Variants in PER2 observed in about 807,000 individuals in gnomAD.
PER2 encodes period circadian protein homolog 2.
Under a neutral mutation model 121.0 loss-of-function variants are expected in PER2, and 66 were observed. The observed-to-expected ratio is 0.55, with a 90% CI of 0.45 to 0.67. The LOEUF is 0.67. PER2 is among the 30% of genes least tolerant of loss of function. The pLI is 0.00. For missense variants in PER2, 1,521 were observed against 1,635.0 expected (o/e 0.93, Z 1.20); for synonymous variants, 684 against 659.9 (o/e 1.04, Z -0.56).
chr2:238,267,872 G>A (rs1289367530), intron 8 of PER2, among the ~76,000 whole-genome samples, 184 bp downstream of exon 8: 1 of 152,192 alleles, frequency 6.6e-6, no homozygotes, highest in African/African-American at 2.4e-5. Flanking sequence ...GGGCAGGGCC[G>A]GATGACAAGC....
chr2:238,274,650 G>A (rs1696396539), intron 4 of PER2, among the ~76,000 whole-genome samples: 1 of 152,188 alleles, frequency 6.6e-6, no homozygotes, highest in Non-Finnish European at 1.5e-5. Flanking sequence ...TTTCCCTTTG[G>A]CTCCTCCTTC....
intron 3 of PER2, 29 bp downstream of exon 3, chr2:238,277,102 T>C: frequency 1.3e-6 from 2 of 1,505,900 alleles, no homozygotes; most frequent in Non-Finnish European, 1.8e-6. Flanking sequence ...CTCTAAAACC[T>C]CTATGTATGA....
chr2:238,248,467 T>C (rs1359400574), intron 22 of PER2, among the ~76,000 whole-genome samples: 2 of 151,686 alleles, frequency 1.3e-5, no homozygotes, highest in African/African-American at 2.4e-5. Flanking sequence ...TGAGGGTTTG[T>C]GACAGGAGAG....
At chr2:238,295,030 C>T (rs888482741), upstream of PER2, among the ~76,000 whole-genome samples, 2 of 152,248 alleles carry the variant, frequency 1.3e-5, no homozygotes, top group Admixed American at 6.5e-5. Flanking sequence ...GGTGAAGGCT[C>T]AGGCCTGTGC....
intron 20 of PER2, among the ~76,000 whole-genome samples, 153 bp downstream of exon 20, chr2:238,251,446 G>A (rs530407185): frequency 6.6e-6 from 1 of 152,376 alleles, no homozygotes; most frequent in South Asian, 2.1e-4. Flanking sequence ...AACAGGGAGA[G>A]TGTGTCTGTG....
chr2:238,251,773 G>C lies in PER2; in HGVS notation c.3112-12C>G. 1.3e-6 allele frequency: 2 copies of C among 1,525,588 alleles called. No homozygotes were observed. Among genetic ancestry groups the C allele is most frequent in the Non-Finnish European group, 1.8e-6 (2 of 1,123,904 alleles). 94.5% of individuals were successfully genotyped at this position (1,525,588 alleles called of 1,614,324 possible). ...GAGGGTTCATCACGCTTTAGGGACA[G>C]GAAGCAGATACTGCTGTTCAGGGGC... On this transcript the variant is annotated splice_polypyrimidine_tract_variant and intron_variant, in intron 19 of 22. Transcript: ENST00000254657.
Position 238,249,078 on chromosome 2 carries a change from G to T in PER2, c.3602C>A (p.Ala1201Glu). ...HQWMQTGGLPAAIDVAECVYC... is the reference protein window; with the variant it reads ...HQWMQTGGLPEAIDVAECVYC... ...TGAGCTTACTGCCACGTCGATGGCT[G>T]CGGGCAGGCCGCCCGTCTGCATCCA... is the stretch of plus-strand genomic sequence containing the variant. Residue 1201 changes from alanine to glutamate, a missense_variant, in exon 22 of 23, where the codon GCA becomes GAA. Coordinates refer to ENST00000254657, the MANE Select transcript of PER2 (RefSeq NM_022817.3). 3 of 1,614,170 alleles carry T rather than the reference G, an allele frequency of 1.9e-6. No individual in the cohort carries two copies. The South Asian group carries it at 3.3e-5, about 18-fold the overall frequency.
In PER2 at chr2:238,268,684, G is replaced by A. The variant is rs1384842278; in HGVS notation, c.824+239C>T. ...GACCCTGGGGTACAGGCCTTTGCAA[G>A]ACACAGAGAGAAAGTGCAGGTCCAT... On this transcript the variant is annotated intron_variant, in intron 7 of 22. Transcript: ENST00000254657. The surrounding 1 kb of genome is among the most constrained non-coding windows in gnomAD (Gnocchi z 4.0). Among the ~76,000 whole-genome samples, 1 of 152,222 alleles carries A rather than the reference G, an allele frequency of 6.6e-6. No homozygotes were observed. Among genetic ancestry groups the A allele is most frequent in the African/African-American group, 2.4e-5 (1 of 41,458 alleles).
At position 238,249,105 on chromosome 2, in the gene PER2, T is replaced by G; in HGVS notation, c.3575A>C (p.Gln1192Pro). 1 of 1,614,222 alleles carries G rather than the reference T, an allele frequency of 6.2e-7. No individual in the cohort carries two copies. Among genetic ancestry groups the G allele is most frequent in the South Asian group, 1.1e-5 (1 of 91,090 alleles). ...SQKQELREVHQWMQTGGLPAA... is the reference protein window; with the variant it reads ...SQKQELREVHPWMQTGGLPAA... ...GGGCAGGCCGCCCGTCTGCATCCACTGGTGGACCTCGCGCAGCTCCTGCTT... is the reference window on the plus strand; with the variant it reads ...GGGCAGGCCGCCCGTCTGCATCCACGGGTGGACCTCGCGCAGCTCCTGCTT... The change falls in exon 22 of 23, where the codon CAG becomes CCG. Residue 1192 changes from glutamine to proline, a missense_variant. By Grantham distance (76) the Gln-to-Pro change is moderately conservative (BLOSUM62 -1). Transcript: ENST00000254657.
intron 21 of PER2, 84 bp from the exon 22 acceptor site, chr2:238,249,296 G>T: frequency 7.1e-7 from 1 of 1,415,420 alleles, no homozygotes; most frequent in Non-Finnish European, 9.7e-7. Context: ...TGTAGTTTTA[G>T]ATGATTTTGT....
In PER2 at chr2:238,245,205, A is replaced by G. The variant is rs899508963; in HGVS notation, c.*1170T>C. The G allele has an allele frequency of 9.5e-6, 2 of 210,574 alleles. No homozygotes were observed. Among genetic ancestry groups the G allele is most frequent in the Admixed American group, 5.9e-5 (1 of 17,038 alleles). The allele number at this position is 210,574 out of a possible 1,614,324, so 13.0% of individuals were successfully genotyped here. ...CCATCTTTGGAATATACAATGCAAC[A>G]TGAGGTTTTGTAAAAAGCCGGGCAG... On this transcript the variant is annotated 3_prime_UTR_variant, in exon 23 of 23. Transcript: ENST00000254657.
chr2:238,246,913 G>A (rs1695466746), intron 22 of PER2, among the ~76,000 whole-genome samples: 1 of 152,156 alleles, frequency 6.6e-6, no homozygotes, highest in African/African-American at 2.4e-5. Context: ...TAAGGTGCAG[G>A]TGACCAGGTG....
upstream of PER2, chr2:238,289,211 C>A (rs2106337430): frequency 6.6e-6 from 1 of 152,328 alleles, no homozygotes; most frequent in East Asian, 1.9e-4. Flanking sequence ...CTCCGGCCAC[C>A]GGCCAGAGGC....
chr2:238,294,042 TC>T, upstream of PER2, among the ~76,000 whole-genome samples: 1 of 152,132 alleles, frequency 6.6e-6, no homozygotes, highest in Non-Finnish European at 1.5e-5. Context: ...TCTGAGCTGA[TC>T]CCCCCCACAC....
chr2:238,290,692 G>A (rs760859242), upstream of PER2, among the ~76,000 whole-genome samples: 7 of 152,064 alleles, frequency 4.6e-5, no homozygotes, highest in Non-Finnish European at 1.0e-4. Context: ...GGAAATTTGT[G>A]TACACTCCAC....
rs1695662749 is a variant in PER2, at chr2:238,253,295, T to C, written c.2728A>G (p.Ser910Gly). The change falls in exon 19 of 23, where the codon AGT (serine) becomes GGT (glycine). Residue 910 changes from serine (S) to glycine (G), a missense_variant. By Grantham distance (56) the Ser-to-Gly change is moderately conservative (BLOSUM62 0). Transcript: ENST00000254657. This position sits in a 1 kb window ranked among gnomAD's most constrained non-coding sequence, Gnocchi z 5.6. ...GGGGTCCCCGAGGGGAAGGAATAAC[T>C]GGGTAGCATGAATGCCATGACAGGC... ...LAPVMAFMLPSYSFPSGTPNL... is the reference protein window; with the variant it reads ...LAPVMAFMLPGYSFPSGTPNL... The C allele has an allele frequency of 6.2e-7, 1 of 1,612,524 alleles. No homozygotes were observed.
chr2:238,275,774 C>T lies in PER2; in HGVS notation c.417G>A (p.Lys139=). The change falls in exon 4 of 23, where the codon AAG becomes AAA. Residue 139 remains lysine (K), a synonymous_variant. Transcript: ENST00000254657. Reference sequence around the variant, plus strand: ...CCTGCTTCACGCTCCTGAGGGCGTACTTCAAGGTGGCCAGCGTACTGGCCT... The same window carrying T: ...CCTGCTTCACGCTCCTGAGGGCGTATTTCAAGGTGGCCAGCGTACTGGCCT... ...KGKASTLATL[K]YALRSVKQVK... 4 of 1,614,224 alleles carry T rather than the reference C, an allele frequency of 2.5e-6. No homozygotes were observed. In the South Asian group the frequency reaches 4.4e-5, roughly 18 times the overall value.
intron 3 of PER2, 53 bp from the exon 4 acceptor site, chr2:238,275,950 C>A: frequency 6.3e-7 from 1 of 1,598,114 alleles, no homozygotes; most frequent in Non-Finnish European, 8.6e-7. Flanking sequence ...GGTGTCCTTT[C>A]CTGAAGAAAC....
rs116343565 is a variant in PER2, at chr2:238,270,187, C to A, written c.772+1125G>T. On this transcript the variant is annotated intron_variant, in intron 6 of 22. Transcript: ENST00000254657. ...AGGCCTGGCCACAGTGAAACAGAAG[C>A]CCCAAACATTTCATGCTACATATTT... Among the ~76,000 whole-genome samples the A allele has an allele frequency of 7.0e-4, 106 of 152,330 alleles. 1 individual carries two copies. Among genetic ancestry groups the A allele is most frequent in the African/African-American group, 2.5e-3 (103 of 41,578 alleles).
Sources: allele counts gnomAD v4.1 joint callset (sites outside exome capture counted in the v4.1 genomes callset), GRCh38; gene constraint gnomAD v4.1.1; non-coding constraint Gnocchi (gnomAD v3.1); transcripts MANE v1.5; gene names NCBI Gene and HGNC (gene_info 2026-07-23, HGNC 2026-07-21).